Variants in AHNAK observed in about 807,000 individuals in gnomAD.
AHNAK encodes neuroblast differentiation-associated protein AHNAK.
A neutral mutation model predicts 37.8 loss-of-function variants in AHNAK; 23 were observed. The ratio of observed to expected loss-of-function variants is 0.61; its 90% CI spans 0.44 to 0.86. The LOEUF (loss-of-function observed/expected upper bound fraction) is 0.86. AHNAK is among the 40% of genes least tolerant of loss of function. The probability of loss-of-function intolerance (pLI) is 0.00; values close to 1 mark genes in which losing one functional copy is unlikely to be tolerated. For synonymous variants in AHNAK, 2,481 were observed against 2,636.3 expected, an observed-to-expected ratio of 0.94 and a Z score of 1.80; for missense variants, 7,411 against 7,319.4, an observed-to-expected ratio of 1.01 and a Z score of -0.46.
chr11:62,502,134 C>G (rs1939723495), intron 4 of AHNAK, among the ~76,000 whole-genome samples: 2 of 152,106 alleles, frequency 1.3e-5, no homozygotes, highest in South Asian at 4.1e-4. Context: ...TTCTTGCCAC[C>G]CCACCTTTCT....
intron 5 of AHNAK, among the ~76,000 whole-genome samples, chr11:62,443,934 A>G (rs1938366991): frequency 6.6e-6 from 1 of 152,186 alleles, no homozygotes; most frequent in Admixed American, 6.5e-5. Context: ...CCAGCAGTAG[A>G]AATGTCACCC....
At chr11:62,491,594 G>C in intron 5 of AHNAK, 1 of 729,858 alleles carries the variant, frequency 1.4e-6, no homozygotes, top group Non-Finnish European at 2.2e-6. Context: ...GAGAAAGAGG[G>C]GCTGGGCTCC....
Position 62,517,676 on chromosome 11 carries a change from T to C in AHNAK, c.16741A>G (p.Ile5581Val), listed in dbSNP as rs1940069216. ...DVSGGVSAPD[I>V]SLGEGHLSVK... is the part of the protein sequence containing the mutation. The stretch of plus-strand genomic sequence containing the variant: ...CTCAAATGCCCTTCACCAAGGCTGA[T>C]GTCTGGGGCACTGACACCCCCTGAA... The change falls in exon 5 of 5, where the codon ATC becomes GTC. Residue 5581 changes from isoleucine to valine, a missense_variant. Physicochemically the swap from Ile to Val is conservative, Grantham distance 29. Coordinates refer to ENST00000378024, the MANE Select transcript of AHNAK (RefSeq NM_001620.3). 1 of 1,614,228 alleles carries C rather than the reference T, an allele frequency of 6.2e-7. No individual in the cohort carries two copies. Among genetic ancestry groups the C allele is most frequent in the Non-Finnish European group, 8.5e-7 (1 of 1,180,044 alleles).
Position 62,441,620 on chromosome 11 carries a change from G to A in AHNAK, c.443-7729C>T, listed in dbSNP as rs559877608. On this transcript the variant is annotated intron_variant, in intron 5 of 5. Transcript: ENST00000257247. Reference sequence around the variant, plus strand: ...GGGTTCAAGCAATTCTCCTGCCTTAGCCTCCCGAGTAGCTGGGATTACAAG... The same window carrying A: ...GGGTTCAAGCAATTCTCCTGCCTTAACCTCCCGAGTAGCTGGGATTACAAG... Among the ~76,000 whole-genome samples the A allele has an allele frequency of 9.2e-5, 14 of 151,996 alleles. No homozygotes were observed. The South Asian group carries it at 2.7e-3, about 29-fold the overall frequency.
At chr11:62,448,464 AT>A (rs1273187909) in intron 5 of AHNAK, among the ~76,000 whole-genome samples, 1 of 152,106 alleles carries the variant, frequency 6.6e-6, no homozygotes, top group African/African-American at 2.4e-5. Flanking sequence ...CACCTTTGTG[AT>A]GTCTTTCCAA....
chr11:62,480,362 C>T (rs932086606), intron 5 of AHNAK, among the ~76,000 whole-genome samples: 1 of 152,094 alleles, frequency 6.6e-6, no homozygotes, highest in East Asian at 1.9e-4. Flanking sequence ...CTGAGATTAA[C>T]AGAGAAAGGC....
rs1460056373 is a variant in AHNAK at position 62,525,320 on chromosome 11, G to A, written c.9097C>T (p.Pro3033Ser). The change falls in exon 5 of 5, where the codon CCT becomes TCT. Residue 3033 changes from proline (P) to serine (S), a missense_variant. Transcript: ENST00000378024. ...PKVKMPKFSM[P>S]GFKGEGPDVD... is the part of the protein sequence containing the mutation. ...TCTGGGCCCTCTCCTTTGAAGCCAG[G>A]CATGCTGAATTTGGGCATTTTCACT... 1 of 1,613,338 alleles carries A rather than the reference G, an allele frequency of 6.2e-7. No individual in the cohort carries two copies.
At chr11:62,545,940 C>T (rs1363793199) in intron 1 of AHNAK, 1 of 152,256 alleles carries the variant, frequency 6.6e-6, no homozygotes, top group African/African-American at 2.4e-5. Context: ...CACCCCCCTC[C>T]TCGCCCACCT....
downstream of AHNAK, among the ~76,000 whole-genome samples, chr11:62,511,054 A>G (rs1939900912): frequency 6.6e-6 from 1 of 152,216 alleles, no homozygotes; most frequent in Non-Finnish European, 1.5e-5. Context: ...CAACATGCAA[A>G]GTCCTCATGG....
At chr11:62,501,465 G>A (rs1939710135) in intron 4 of AHNAK, among the ~76,000 whole-genome samples, 1 of 152,192 alleles carries the variant, frequency 6.6e-6, no homozygotes, top group Admixed American at 6.5e-5. Flanking sequence ...TACTCAGGAG[G>A]CTGAGGCAGG....
At chr11:62,492,018 C>A (rs779114490) in intron 4 of AHNAK, among the ~76,000 whole-genome samples, 6 of 152,124 alleles carry the variant, frequency 3.9e-5, no homozygotes, top group Non-Finnish European at 5.9e-5. Context: ...GAGAAGATAA[C>A]AGAGAATCTT....
chr11:62,528,589 G>A lies in AHNAK; in HGVS notation c.5828C>T (p.Ser1943Leu), dbSNP rs372052759. ...GPKVKGDVDV[S>L]VPKLEGDLTG... ...TAAATCTCCCTCCAATTTTGGCACC[G>A]ACACATCCACATCCCCTTTGACTTT... is the stretch of plus-strand genomic sequence containing the variant. Residue 1943 changes from serine to leucine, a missense_variant, in exon 5 of 5, where the codon TCG becomes TTG. Ser to Leu is a moderately radical substitution (Grantham distance 145). Coordinates refer to ENST00000378024, the MANE Select transcript of AHNAK (RefSeq NM_001620.3). 164 of 1,609,482 alleles carry A rather than the reference G, an allele frequency of 1.0e-4. No individual in the cohort carries two copies. The highest frequency in any genetic ancestry group is 1.3e-4 in the Non-Finnish European group (158 of 1,179,160).
chr11:62,498,636 G>A (rs1939658090), intron 4 of AHNAK, among the ~76,000 whole-genome samples: 1 of 151,180 alleles, frequency 6.6e-6, no homozygotes, highest in Non-Finnish European at 1.5e-5. Context: ...TTATTAGCTG[G>A]GCATGGAAGC....
At chr11:62,486,396 C>T (rs988266548) in intron 5 of AHNAK, among the ~76,000 whole-genome samples, 2 of 152,054 alleles carry the variant, frequency 1.3e-5, no homozygotes, top group African/African-American at 4.8e-5. Flanking sequence ...TCGCTTGAAC[C>T]CAGGAGGCGG....
chr11:62,518,344 A>G lies in AHNAK; in HGVS notation c.16073T>C (p.Val5358Ala). The change falls in exon 5 of 5, where the codon GTT becomes GCT. Residue 5358 changes from valine (V) to alanine (A), a missense_variant. By Grantham distance (64) the Val-to-Ala change is moderately conservative. Coordinates refer to ENST00000378024, the MANE Select transcript of AHNAK (RefSeq NM_001620.3). ...PGIDATTKLN[V>A]GAPDVTLRGP... ...CCTCAGTGTCACATCTGGTGCCCCA[A>G]CGTTAAGCTTTGTTGTGGCATCGAT... 1 of 1,614,100 alleles carries G rather than the reference A, an allele frequency of 6.2e-7. No individual in the cohort carries two copies. The highest frequency in any genetic ancestry group is 8.5e-7 in the Non-Finnish European group (1 of 1,180,014).
At chr11:62,449,309 A>T (rs1341989954) in intron 5 of AHNAK, among the ~76,000 whole-genome samples, 2 of 152,084 alleles carry the variant, frequency 1.3e-5, no homozygotes, top group East Asian at 3.9e-4. Flanking sequence ...GAGACTTTTC[A>T]TAACTACCTG....
chr11:62,527,369 C>A lies in AHNAK; in HGVS notation c.7048G>T (p.Gly2350Cys). 1 of 1,614,126 alleles carries A rather than the reference C, an allele frequency of 6.2e-7. No homozygotes were observed. The change falls in exon 5 of 5, where the codon GGT becomes TGT. Residue 2350 changes from glycine to cysteine, a missense_variant. Physicochemically the swap from Gly to Cys is radical, Grantham distance 159 (BLOSUM62 -3). Transcript: ENST00000378024. ...GGCATGTCAGCATCTAATTTGGGAC[C>A]TTTGACATCCAATTCTGGACCTTTT... ...ELKGPELDVK[G>C]PKLDADMPEV...
Position 62,521,544 on chromosome 11 carries a change from A to G in AHNAK, c.12873T>C (p.Val4291=), listed in dbSNP as rs757494466. The part of the protein sequence containing the change: ...KVEGDLKGPE[V]DIKGPKVDID... ...TGTCCACTTTGGGGCCCTTGATGTC[A>G]ACTTCTGGGCCCTTGAGGTCACCTT... is the stretch of plus-strand genomic sequence containing the variant. The change falls in exon 5 of 5, where the codon GTT becomes GTC. Residue 4291 remains valine (V), a synonymous_variant. Coordinates refer to ENST00000378024, the MANE Select transcript of AHNAK (RefSeq NM_001620.3). 1 of 1,612,692 alleles carries G rather than the reference A, an allele frequency of 6.2e-7. No homozygotes were observed. The highest frequency in any genetic ancestry group is 8.5e-7 in the Non-Finnish European group (1 of 1,179,682).
At chr11:62,466,685 A>T (rs1938919261) in intron 5 of AHNAK, among the ~76,000 whole-genome samples, 1 of 152,072 alleles carries the variant, frequency 6.6e-6, no homozygotes, top group Admixed American at 6.6e-5. Flanking sequence ...ATCTTGCCTC[A>T]CTAGTTTATT....
Sources: gnomAD v4.1 joint callset for allele counts (sites outside exome capture counted in the v4.1 genomes callset) on GRCh38, gnomAD v4.1.1 for gene constraint, MANE v1.5 for transcripts, NCBI Gene and HGNC (gene_info 2026-07-23, HGNC 2026-07-21) for gene names.